Variants in CNNM3 observed in about 807,000 individuals in gnomAD.
CNNM3 encodes the protein cyclin and CBS domain divalent metal cation transport mediator 3, also known as metal transporter CNNM3.
A neutral mutation model predicts 57.1 loss-of-function variants in CNNM3; 47 were observed. The observed-to-expected ratio is 0.82, with a 90% CI of 0.65 to 1.05. CNNM3 has a LOEUF of 1.05. Among genes scored for constraint, CNNM3 ranks in the 50% least tolerant of loss-of-function variants. The pLI, the probability that CNNM3 is intolerant of heterozygous loss-of-function variation, is 0.00. For synonymous variants in CNNM3, 507 were observed against 478.2 expected (o/e 1.06, Z -0.79); for missense variants, 957 against 973.7 (o/e 0.98, Z 0.23).
intron 1 of CNNM3, among the ~76,000 whole-genome samples, chr2:96,818,626 T>C (rs1020965294): frequency 6.6e-6 from 1 of 152,222 alleles, no homozygotes; most frequent in Non-Finnish European, 1.5e-5. Flanking sequence ...TTCACTGTTT[T>C]AGCTGAGCAG....
In CNNM3 at chr2:96,817,056, G is replaced by A. The variant is rs1028492919; in HGVS notation, c.779G>A (p.Arg260His). The A allele has an allele frequency of 1.0e-5, 14 of 1,368,750 alleles. No homozygotes were observed. Among genetic ancestry groups the A allele is most frequent in the African/African-American group, 7.7e-5 (5 of 65,182 alleles). The allele number at this position is 1,368,750 out of a possible 1,614,324, so 84.8% of individuals were successfully genotyped here. A position where few individuals can be genotyped will look rare whatever the true frequency, so the allele number is the denominator to read the frequency against. ...GCGCCGCGAGCGCTCGGCCTCAGCC[G>A]CCTGGCCGTCCTGCTCACTCTGCCC... ...ALAPRALGLS[R>H]LAVLLTLPVA... Residue 260 changes from arginine (R) to histidine (H), a missense_variant, in exon 1 of 8, where the codon CGC becomes CAC. Transcript: ENST00000305510.
At chr2:96,823,416 C>G (rs1224652014) in intron 1 of CNNM3, among the ~76,000 whole-genome samples, 2 of 152,140 alleles carry the variant, frequency 1.3e-5, no homozygotes, top group Non-Finnish European at 2.9e-5. Flanking sequence ...CTGGCCTGGC[C>G]TGGCCTGACA....
rs549721618 is a variant in CNNM3, at chr2:96,834,709, C to T, written c.*2093C>T. Among the ~76,000 whole-genome samples the T allele has an allele frequency of 1.3e-5, 2 of 152,228 alleles. No individual in the cohort carries two copies. Among genetic ancestry groups the T allele is most frequent in the South Asian group, 2.1e-4 (1 of 4,824 alleles). ...CCTAATGTTAACAGCTTACATATAA[C>T]CTTGGTACATTTATCAAAACTAAAG... On this transcript the variant is annotated 3_prime_UTR_variant, in exon 8 of 8. Coordinates refer to ENST00000305510, the MANE Select transcript of CNNM3 (RefSeq NM_017623.5).
chr2:96,821,853 G>A (rs1195563582), intron 1 of CNNM3, among the ~76,000 whole-genome samples: 1 of 152,142 alleles, frequency 6.6e-6, no homozygotes, highest in African/African-American at 2.4e-5. Context: ...CTGCTGTACT[G>A]AAAGTGAAAA....
At chr2:96,826,081 T>C (rs2079499146) in intron 2 of CNNM3, among the ~76,000 whole-genome samples, 2 of 152,252 alleles carry the variant, frequency 1.3e-5, no homozygotes, top group Non-Finnish European at 2.9e-5. Context: ...ATAGCATCTC[T>C]AGTTCCGTTC....
chr2:96,820,278 C>G (rs1270107373), intron 1 of CNNM3, among the ~76,000 whole-genome samples: 1 of 152,186 alleles, frequency 6.6e-6, no homozygotes, highest in Non-Finnish European at 1.5e-5. Context: ...GGAGGAGCAG[C>G]TGAGGATGAG....
chr2:96,833,559 T>A lies in CNNM3; in HGVS notation c.*943T>A, dbSNP rs1306447108. 2 of 152,686 alleles carry A rather than the reference T, an allele frequency of 1.3e-5. No homozygotes were observed. Among genetic ancestry groups the A allele is most frequent in the African/African-American group, 4.8e-5 (2 of 41,428 alleles). The allele number at this position is 152,686 out of a possible 1,614,324, so 9.5% of individuals were successfully genotyped here. ...GGATCCTCTTTAAAAAAAAAAAAGT[T>A]TTTGTTATATCTCTAGAACATTTCA... On this transcript the variant is annotated 3_prime_UTR_variant, in exon 8 of 8. Coordinates refer to ENST00000305510, the MANE Select transcript of CNNM3 (RefSeq NM_017623.5).
chr2:96,819,436 A>C (rs1218744115), intron 1 of CNNM3, among the ~76,000 whole-genome samples: 3 of 152,192 alleles, frequency 2.0e-5, no homozygotes, highest in African/African-American at 7.2e-5. Context: ...AGACTCATCA[A>C]GCACTTTGGC....
chr2:96,833,355 G>GA lies in CNNM3; in HGVS notation c.*741dup. On this transcript the variant is annotated 3_prime_UTR_variant, in exon 8 of 8. Transcript: ENST00000305510. ...AGTGTTGTCAGTTCCCGTGTTCTGA[G>GA]AAGAGGTCATGCCTGGGAGGAAGGG... is the stretch of plus-strand genomic sequence containing the variant. The GA allele has an allele frequency of 3.6e-6, 1 of 274,782 alleles. No individual in the cohort carries two copies. Among genetic ancestry groups the GA allele is most frequent in the Non-Finnish European group, 7.2e-6 (1 of 138,460 alleles). The allele number at this position is 274,782 out of a possible 1,614,324, so 17.0% of individuals were successfully genotyped here.
At chr2:96,829,683 T>C (rs1181704655) in intron 7 of CNNM3, among the ~76,000 whole-genome samples, 1 of 151,982 alleles carries the variant, frequency 6.6e-6, no homozygotes, top group Admixed American at 6.6e-5. Context: ...CACCAAACTA[T>C]AGACTAACTG....
At chr2:96,824,727 G>A (rs1254090145) in intron 1 of CNNM3, 2 of 305,780 alleles carry the variant, frequency 6.5e-6, no homozygotes, top group East Asian at 1.5e-4. Context: ...GTTCTCCACT[G>A]GAGGGAGGCA....
rs767823787 is a variant in CNNM3 at position 96,825,119 on chromosome 2, C to T, written c.1287C>T (p.Tyr429=). ...ACGAGGGTGAAGGCGACCCCTTCTA[C>T]GAGGTCCTGGGCCTGGTCACCCTGG... The part of the protein sequence containing the change: ...VNNEGEGDPF[Y]EVLGLVTLED... The change falls in exon 2 of 8, where the codon TAC becomes TAT. Residue 429 remains tyrosine, a synonymous_variant. Coordinates refer to ENST00000305510, the MANE Select transcript of CNNM3 (RefSeq NM_017623.5). The T allele has an allele frequency of 1.7e-5, 27 of 1,613,982 alleles. No homozygotes were observed. Among genetic ancestry groups the T allele is most frequent in the East Asian group, 4.5e-5 (2 of 44,866 alleles).
intron 1 of CNNM3, among the ~76,000 whole-genome samples, chr2:96,818,071 C>T (rs1049006258): frequency 6.6e-6 from 1 of 152,170 alleles, no homozygotes. Context: ...ACTTTGCTTT[C>T]ACCAAAAGTA....
chr2:96,836,081 T>TCCC (rs61415815), downstream of CNNM3, among the ~76,000 whole-genome samples: 29 of 113,848 alleles, frequency 2.5e-4, no homozygotes, highest in African/African-American at 6.3e-4. Context: ...CCCCTCCCCC[T>TCCC]CCCCCCCTTT....
chr2:96,836,108 G>A (rs1414879361), downstream of CNNM3, among the ~76,000 whole-genome samples: 2 of 129,638 alleles, frequency 1.5e-5, no homozygotes, highest in Admixed American at 8.7e-5. Context: ...TCCTGAGACA[G>A]AGTCTCACTT....
chr2:96,828,671 A>C lies in CNNM3; in HGVS notation c.1891A>C (p.Arg631=), dbSNP rs1347154566. 2 of 1,614,084 alleles carry C rather than the reference A, an allele frequency of 1.2e-6. No homozygotes were observed. Among genetic ancestry groups the C allele is most frequent in the East Asian group, 4.5e-5 (2 of 44,854 alleles). ...TGCGTATTGTCCCGACTACACCGTGAGGGCGCTCTCTGATCTGCAGCTCAT... is the reference window on the plus strand; with the variant it reads ...TGCGTATTGTCCCGACTACACCGTGCGGGCGCTCTCTGATCTGCAGCTCAT... The part of the protein sequence containing the change: ...SSAYCPDYTV[R]ALSDLQLIKV... Residue 631 remains arginine (R), a synonymous_variant, in exon 6 of 8, where the codon AGG becomes CGG. Coordinates refer to ENST00000305510, the MANE Select transcript of CNNM3 (RefSeq NM_017623.5).
rs1409682427 is a variant in CNNM3, at chr2:96,816,701, G to A, written c.424G>A (p.Ala142Thr). 9.6e-5 allele frequency: 97 copies of A among 1,013,942 alleles called. No individual in the cohort carries two copies. Among genetic ancestry groups the A allele is most frequent in the Admixed American group, 1.2e-4 (2 of 17,010 alleles). The allele number at this position is 1,013,942 out of a possible 1,614,324, so 62.8% of individuals were successfully genotyped here. A position where few individuals can be genotyped will look rare whatever the true frequency, so the allele number is the denominator to read the frequency against. ...GCCCTGGGCTCTGGGCCTGGGGGCG[G>A]CCGGGCTGCTGGCGCTGGCAGCGCT... is the stretch of plus-strand genomic sequence containing the variant. ...APPWALGLGA[A>T]GLLALAALAR... The change falls in exon 1 of 8, where the codon GCC becomes ACC. Residue 142 changes from alanine to threonine, a missense_variant. Transcript: ENST00000305510.
Position 96,832,967 on chromosome 2 carries a change from G to A in CNNM3, c.*351G>A. On this transcript the variant is annotated 3_prime_UTR_variant, in exon 8 of 8. Transcript: ENST00000305510. ...ATTCAGATTCAGACCTCTTTGGGCTGAGCCACCTTGTGAGTGCAGTTACTG... is the reference window on the plus strand; with the variant it reads ...ATTCAGATTCAGACCTCTTTGGGCTAAGCCACCTTGTGAGTGCAGTTACTG... The A allele has an allele frequency of 7.4e-7, 1 of 1,360,226 alleles. No homozygotes were observed. Among genetic ancestry groups the A allele is most frequent in the South Asian group, 1.2e-5 (1 of 81,624 alleles). 84.3% of individuals were successfully genotyped at this position (1,360,226 alleles called of 1,614,324 possible).
At chr2:96,828,407 C>T (rs1241980553) in intron 5 of CNNM3, 160 bp from the exon 6 acceptor site, 25 of 982,548 alleles carry the variant, frequency 2.5e-5, no homozygotes, top group Non-Finnish European at 6.0e-6. Flanking sequence ...CAAAACCTCT[C>T]CCGGCTGTGT....
Sources: gnomAD v4.1 joint callset for allele counts (sites outside exome capture counted in the v4.1 genomes callset) on GRCh38, gnomAD v4.1.1 for gene constraint, MANE v1.5 for transcripts, NCBI Gene and HGNC (gene_info 2026-07-23, HGNC 2026-07-21) for gene names.